The following KCTD1 variants were observed in gnomAD, a reference collection of about 807,000 sequenced individuals.
KCTD1 encodes potassium channel tetramerization domain containing 1, also known as BTB/POZ domain-containing protein KCTD1.
A neutral mutation model predicts 66.0 loss-of-function variants in KCTD1; 24 were observed. The ratio of observed to expected loss-of-function variants is 0.36; its 90% CI spans 0.26 to 0.51. The LOEUF (loss-of-function observed/expected upper bound fraction) is 0.51, where lower values mean the gene tolerates loss of function less well. Among genes scored for constraint, KCTD1 ranks in the 20% least tolerant of loss-of-function variants. The pLI is 0.95. For synonymous variants in KCTD1, 511 were observed against 517.2 expected, an observed-to-expected ratio of 0.99 and a Z score of 0.16; for missense variants, 943 against 1,205.2, an observed-to-expected ratio of 0.78 and a Z score of 3.22.
intron 1 of KCTD1, chr18:26,565,920 C>T (rs1985970566): frequency 6.6e-6 from 1 of 152,000 alleles, no homozygotes; most frequent in African/African-American, 2.4e-5. Flanking sequence ...GGATATTTTT[C>T]TCTCCAGATT....
intron 2 of KCTD1, among the ~76,000 whole-genome samples, chr18:26,494,781 C>T (rs1435700102): frequency 6.6e-6 from 1 of 152,250 alleles, no homozygotes; most frequent in South Asian, 2.1e-4. Flanking sequence ...GCTTTCCCCC[C>T]TTTTAAGTTC....
At chr18:26,533,232 C>T (rs912107114) in intron 1 of KCTD1, among the ~76,000 whole-genome samples, 3 of 152,116 alleles carry the variant, frequency 2.0e-5, no homozygotes, top group Non-Finnish European at 2.9e-5. Flanking sequence ...AATCTAACTG[C>T]GATTCACACT....
intron 4 of KCTD1, chr18:26,458,790 C>G (rs1980243040): frequency 6.6e-6 from 1 of 152,268 alleles, no homozygotes; most frequent in Non-Finnish European, 1.5e-5. Context: ...ACCTTATTAG[C>G]TCTACCCTCC....
At chr18:26,463,292 TA>T (rs1223604960) in intron 3 of KCTD1, among the ~76,000 whole-genome samples, 1 of 151,952 alleles carries the variant, frequency 6.6e-6, no homozygotes, top group Non-Finnish European at 1.5e-5. Flanking sequence ...CCTGTTTCTA[TA>T]AAAAGTAAAA....
intron 2 of KCTD1, among the ~76,000 whole-genome samples, chr18:26,477,977 C>A (rs1274432140): frequency 2.6e-5 from 4 of 152,162 alleles, no homozygotes; most frequent in Admixed American, 1.3e-4. Flanking sequence ...TTCTGGGATT[C>A]TTTCACTGCA....
At chr18:26,502,997 G>A (rs1174258772) in intron 1 of KCTD1, among the ~76,000 whole-genome samples, 1 of 152,222 alleles carries the variant, frequency 6.6e-6, no homozygotes, top group African/African-American at 2.4e-5. Context: ...GTCCAAGCAA[G>A]ACTGTGAATG....
chr18:26,482,332 C>T (rs926778364), intron 2 of KCTD1, among the ~76,000 whole-genome samples: 19 of 152,112 alleles, frequency 1.2e-4, no homozygotes, highest in African/African-American at 4.6e-4. Context: ...CTGAACCAAA[C>T]CAAACTGAAA....
chr18:26,562,996 A>G (rs1194174467), intron 1 of KCTD1, among the ~76,000 whole-genome samples: 2 of 152,160 alleles, frequency 1.3e-5, no homozygotes, highest in Admixed American at 1.3e-4. Flanking sequence ...CGTCCGCAAC[A>G]CCATCCAAAT....
intron 1 of KCTD1, chr18:26,565,988 T>C (rs1033371847): frequency 6.6e-6 from 1 of 151,616 alleles, no homozygotes; most frequent in African/African-American, 2.4e-5. Context: ...CTTTTTACTT[T>C]TTTTTCCCCC....
intron 1 of KCTD1, chr18:26,599,513 G>A: frequency 2.5e-6 from 4 of 1,573,880 alleles, no homozygotes; most frequent in Non-Finnish European, 3.5e-6. Flanking sequence ...AAGGTTAACT[G>A]GCAATGAGGG....
intron 1 of KCTD1, among the ~76,000 whole-genome samples, chr18:26,621,570 C>T (rs1987386149): frequency 1.3e-5 from 2 of 152,174 alleles, no homozygotes; most frequent in Non-Finnish European, 2.9e-5. Flanking sequence ...AGCAGCTCAT[C>T]TTCGCCCCAC....
At chr18:26,599,655 C>G (rs1249148356) in intron 1 of KCTD1, 6 of 1,474,910 alleles carry the variant, frequency 4.1e-6, no homozygotes, top group Middle Eastern at 3.5e-4. Context: ...GCTGAAATCA[C>G]CCAGATCCTT....
intron 1 of KCTD1, among the ~76,000 whole-genome samples, chr18:26,523,424 A>G (rs929015044): frequency 2.0e-5 from 3 of 152,218 alleles, no homozygotes; most frequent in African/African-American, 7.2e-5. Flanking sequence ...CGTAGATAAT[A>G]GTCCTCCCCC....
At chr18:26,483,344 C>T (rs940543047) in intron 2 of KCTD1, among the ~76,000 whole-genome samples, 1 of 152,206 alleles carries the variant, frequency 6.6e-6, no homozygotes, top group Non-Finnish European at 1.5e-5. Flanking sequence ...TCTCGGCTCA[C>T]TGCAACCTCT....
chr18:26,618,027 A>G (rs1267995914), intron 1 of KCTD1, among the ~76,000 whole-genome samples: 1 of 151,554 alleles, frequency 6.6e-6, no homozygotes, highest in South Asian at 2.1e-4. Context: ...GGTTCCGCCT[A>G]TGCCCAGTTA....
chr18:26,640,898 CAG>C (rs1987820218), upstream of KCTD1, among the ~76,000 whole-genome samples: 1 of 151,992 alleles, frequency 6.6e-6, no homozygotes, highest in African/African-American at 2.4e-5. Flanking sequence ...CTTGGGGACA[CAG>C]AGAGGACAAG....
intron 1 of KCTD1, among the ~76,000 whole-genome samples, chr18:26,597,051 G>C (rs1986782268): frequency 6.6e-6 from 1 of 152,108 alleles, no homozygotes; most frequent in African/African-American, 2.4e-5. Flanking sequence ...AGGCACTGGA[G>C]TCTCGGTGGG....
At chr18:26,557,308 G>A (rs904194924) in intron 1 of KCTD1, among the ~76,000 whole-genome samples, 8 of 152,114 alleles carry the variant, frequency 5.3e-5, no homozygotes, top group Non-Finnish European at 1.0e-4. Context: ...GAAATGCCCA[G>A]GAAAGTGTTT....
In KCTD1 at chr18:26,582,268, G is replaced by A. The variant is rs1359545785; in HGVS notation, c.-16+46879C>T. 1.8e-4 allele frequency among the ~76,000 whole-genome samples: 15 copies of A among 85,692 alleles called. No homozygotes were observed. In the East Asian group the frequency reaches 4.6e-3, roughly 26 times the overall value. The allele number at this position is 85,692 out of a possible 152,430, so 56.2% of individuals were successfully genotyped here. On this transcript the variant is annotated intron_variant, in intron 1 of 4. Coordinates refer to the KCTD1 transcript ENST00000317932. Reference sequence around the variant, plus strand: ...AACCTAGGTGACAGAGTGACACCCCGTCTAAAAAAAAAAAAAAAGTCAGCA... The same window carrying A: ...AACCTAGGTGACAGAGTGACACCCCATCTAAAAAAAAAAAAAAAGTCAGCA...
Sources: gnomAD v4.1 joint callset for allele counts (sites outside exome capture counted in the v4.1 genomes callset) on GRCh38, gnomAD v4.1.1 for gene constraint, MANE v1.5 for transcripts, NCBI Gene and HGNC (gene_info 2026-07-23, HGNC 2026-07-21) for gene names.